The following PLD5 variants were observed in gnomAD, a reference collection of about 807,000 sequenced individuals.
The protein encoded by PLD5 is phospholipase D family member 5.
PLD5 carries 36 observed loss-of-function variants against 61.1 expected under a neutral mutation model. The ratio of observed to expected loss-of-function variants is 0.59; its 90% CI spans 0.45 to 0.78. The LOEUF (loss-of-function observed/expected upper bound fraction) is 0.78, where lower values mean the gene tolerates loss of function less well. PLD5 is among the 30% of genes least tolerant of loss of function. The pLI is 0.00. For synonymous variants in PLD5, 243 were observed against 242.8 expected (o/e 1.00, Z -0.01); for missense variants, 515 against 644.4 (o/e 0.80, Z 2.17).
intron 1 of PLD5, among the ~76,000 whole-genome samples, chr1:242,493,550 C>T (rs950987820): frequency 9.9e-5 from 15 of 152,210 alleles, no homozygotes; most frequent in East Asian, 5.8e-4. Flanking sequence ...CAGTCAGTTT[C>T]GCCAGCCCCC....
At chr1:242,323,705 A>G (rs1403307495) in intron 2 of PLD5, among the ~76,000 whole-genome samples, 3 of 152,218 alleles carry the variant, frequency 2.0e-5, no homozygotes, top group Non-Finnish European at 4.4e-5. Flanking sequence ...ACTCTTACTC[A>G]GCAGGAAAGC....
intron 3 of PLD5, among the ~76,000 whole-genome samples, chr1:242,267,760 G>A (rs967584563): frequency 6.6e-6 from 1 of 150,658 alleles, no homozygotes; most frequent in African/African-American, 2.4e-5. Context: ...GATGGTGCAC[G>A]CCTGTAGTCC....
chr1:242,149,424 T>A (rs1664766262), intron 5 of PLD5, among the ~76,000 whole-genome samples: 1 of 151,862 alleles, frequency 6.6e-6, no homozygotes, highest in Non-Finnish European at 1.5e-5. Context: ...TTATGACAGA[T>A]ACTCATCTTT....
At chr1:242,385,993 C>T (rs1039780679) in intron 1 of PLD5, among the ~76,000 whole-genome samples, 1 of 152,166 alleles carries the variant, frequency 6.6e-6, no homozygotes, top group African/African-American at 2.4e-5. Flanking sequence ...GACCAGGTTG[C>T]TTCCTCCTGA....
chr1:242,452,486 C>T (rs1398520648), intron 1 of PLD5, among the ~76,000 whole-genome samples: 1 of 152,048 alleles, frequency 6.6e-6, no homozygotes, highest in Non-Finnish European at 1.5e-5. Flanking sequence ...TTGGACTTTT[C>T]TATAAAATAG....
chr1:242,489,854 C>T (rs904317547), intron 1 of PLD5, among the ~76,000 whole-genome samples: 1 of 152,200 alleles, frequency 6.6e-6, no homozygotes, highest in Non-Finnish European at 1.5e-5. Context: ...GAAGGAACAA[C>T]TGCAGAAGAG....
intron 5 of PLD5, among the ~76,000 whole-genome samples, chr1:242,189,935 G>T (rs979460937): frequency 1.3e-5 from 2 of 152,182 alleles, no homozygotes; most frequent in Non-Finnish European, 2.9e-5. Context: ...GGAAGAGGCT[G>T]AGGTCAAAGA....
chr1:242,401,501 C>T (rs976398673), intron 1 of PLD5, among the ~76,000 whole-genome samples: 6 of 152,132 alleles, frequency 3.9e-5, no homozygotes, highest in Non-Finnish European at 8.8e-5. Context: ...CCGCCGGGAC[C>T]CCACCTCTGC....
rs1427670332 is a variant in PLD5 at position 242,187,666 on chromosome 1, G to A, written c.735+32322C>T. On this transcript the variant is annotated intron_variant, in intron 5 of 9. Transcript: ENST00000536534. ...CATTCTATTGTTAGATTCACAGGCT[G>A]TTCCCTTTTCTTTCCTTTTTAGCCA... is the stretch of plus-strand genomic sequence containing the variant. Among the ~76,000 whole-genome samples, 3 of 152,226 alleles carry A rather than the reference G, an allele frequency of 2.0e-5. No individual in the cohort carries two copies. In the East Asian group the frequency reaches 5.8e-4, roughly 29 times the overall value.
At chr1:242,182,396 T>G (rs571467577) in intron 5 of PLD5, among the ~76,000 whole-genome samples, 1 of 152,340 alleles carries the variant, frequency 6.6e-6, no homozygotes, top group Admixed American at 6.5e-5. Flanking sequence ...ATTCTGAAAT[T>G]ATTTATACCT....
At chr1:242,093,163 G>A (rs982528222) in intron 9 of PLD5, among the ~76,000 whole-genome samples, 6 of 152,148 alleles carry the variant, frequency 3.9e-5, no homozygotes, top group Admixed American at 2.0e-4. Context: ...GGCCAAGGTG[G>A]CGTTCCTGAT....
rs192051561 is a variant in PLD5, at chr1:242,088,487, A to G, written c.*1367T>C. On this transcript the variant is annotated 3_prime_UTR_variant, in exon 10 of 10. Coordinates refer to ENST00000536534, the MANE Select transcript of PLD5 (RefSeq NM_001372062.1). Reference sequence around the variant, plus strand: ...TTCTTTTGATTTCAAAACAAGTTATAAATATTTCCTACCGTGACAACATCC... The same window carrying G: ...TTCTTTTGATTTCAAAACAAGTTATGAATATTTCCTACCGTGACAACATCC... The G allele has an allele frequency of 2.6e-5, 4 of 152,348 alleles. No individual in the cohort carries two copies. Among genetic ancestry groups the G allele is most frequent in the Middle Eastern group, 3.4e-3 (1 of 294 alleles). 9.4% of individuals were successfully genotyped at this position (152,348 alleles called of 1,614,324 possible).
At chr1:242,177,851 GCCTT>G (rs1490808352) in intron 5 of PLD5, 1 of 152,120 alleles carries the variant, frequency 6.6e-6, no homozygotes, top group Non-Finnish European at 1.5e-5. Flanking sequence ...TTACCAAATC[GCCTT>G]CCACAAGGTC....
intron 1 of PLD5, among the ~76,000 whole-genome samples, chr1:242,390,446 C>G (rs1249942925): frequency 6.6e-6 from 1 of 152,126 alleles, no homozygotes; most frequent in Non-Finnish European, 1.5e-5. Context: ...TTAGATTCAA[C>G]CTTTACATCT....
intron 5 of PLD5, among the ~76,000 whole-genome samples, chr1:242,168,475 A>G (rs899848814): frequency 6.6e-6 from 1 of 152,194 alleles, no homozygotes; most frequent in African/African-American, 2.4e-5. Flanking sequence ...AATATATATA[A>G]TAATTCCTTA....
At chr1:242,393,923 G>A (rs1421107875) in intron 1 of PLD5, among the ~76,000 whole-genome samples, 1 of 144,970 alleles carries the variant, frequency 6.9e-6, no homozygotes, top group African/African-American at 2.5e-5. Flanking sequence ...AGCTGGGTGT[G>A]GGGGTGCGTG....
intron 2 of PLD5, among the ~76,000 whole-genome samples, chr1:242,330,215 A>G (rs1659086751): frequency 6.6e-6 from 1 of 152,230 alleles, no homozygotes; most frequent in African/African-American, 2.4e-5. Context: ...TCCATGAAGT[A>G]CAAATAGAAC....
intron 4 of PLD5, among the ~76,000 whole-genome samples, chr1:242,255,878 T>C (rs532537298): frequency 6.6e-6 from 1 of 152,288 alleles, no homozygotes; most frequent in Admixed American, 6.5e-5. Flanking sequence ...GTGACAGAGA[T>C]TTAGTCTTAT....
intron 5 of PLD5, among the ~76,000 whole-genome samples, chr1:242,179,657 T>A (rs1487944625): frequency 6.6e-6 from 1 of 152,034 alleles, no homozygotes; most frequent in Non-Finnish European, 1.5e-5. Context: ...AATCCCAGCA[T>A]TTTGGGAGGC....
Sources: gnomAD v4.1 joint callset for allele counts (sites outside exome capture counted in the v4.1 genomes callset) on GRCh38, gnomAD v4.1.1 for gene constraint, MANE v1.5 for transcripts, NCBI Gene and HGNC (gene_info 2026-07-23, HGNC 2026-07-21) for gene names.